The following KIF16B variants were observed in gnomAD, a reference collection of about 807,000 sequenced individuals.
KIF16B encodes kinesin family member 16B.
In KIF16B, 98 loss-of-function variants were observed where a neutral mutation model predicts 156.3. The ratio of observed to expected loss-of-function variants is 0.63; its 90% CI spans 0.53 to 0.74. The LOEUF (loss-of-function observed/expected upper bound fraction) is 0.74, where lower values mean the gene tolerates loss of function less well. Ranked by LOEUF, KIF16B falls within the 30% of genes least tolerant of loss-of-function variation. The pLI, the probability that KIF16B is intolerant of heterozygous loss-of-function variation, is 0.00. For synonymous variants in KIF16B, 564 were observed against 583.7 expected, an observed-to-expected ratio of 0.97 and a Z score of 0.49; for missense variants, 1,421 against 1,606.5, an observed-to-expected ratio of 0.88 and a Z score of 1.97.
At chr20:16,467,892 GAA>G (rs1161347287) in intron 12 of KIF16B, among the ~76,000 whole-genome samples, 2 of 152,054 alleles carry the variant, frequency 1.3e-5, no homozygotes, top group Non-Finnish European at 2.9e-5. Context: ...GGAAAGGAGA[GAA>G]AATGGAATCA....
At chr20:16,428,536 G>A (rs535989273) in intron 14 of KIF16B, among the ~76,000 whole-genome samples, 1 of 152,252 alleles carries the variant, frequency 6.6e-6, no homozygotes, top group South Asian at 2.1e-4. Flanking sequence ...CCTACTTTCT[G>A]TTGTCATCTT....
intron 12 of KIF16B, among the ~76,000 whole-genome samples, chr20:16,471,197 G>C (rs2067653503): frequency 6.6e-6 from 1 of 152,026 alleles, no homozygotes; most frequent in African/African-American, 2.4e-5. Context: ...TTAAAAAATT[G>C]ACCCAACAAA....
rs1268947391 is a variant in KIF16B at position 16,404,799 on chromosome 20, T to C, written c.1784+14A>G. 1 of 1,584,546 alleles carries C rather than the reference T, an allele frequency of 6.3e-7. No individual in the cohort carries two copies. The highest frequency in any genetic ancestry group is 8.7e-7 in the Non-Finnish European group (1 of 1,153,506). On this transcript the variant is annotated intron_variant, in intron 17 of 25. Transcript: ENST00000354981. ...GTGATCATCACAGGGAAGGAGATGC[T>C]GCTGTTCACTCACCCGGGGTTATAC...
chr20:16,549,096 T>G (rs2070532826), intron 1 of KIF16B, among the ~76,000 whole-genome samples: 1 of 151,294 alleles, frequency 6.6e-6, no homozygotes, highest in Non-Finnish European at 1.5e-5. Flanking sequence ...TTGTGCAGGT[T>G]AGTTACATAT....
intron 1 of KIF16B, among the ~76,000 whole-genome samples, chr20:16,545,323 G>A (rs62196286): frequency 0.034 from 5,132 of 151,836 alleles, 127 homozygotes; most frequent in Middle Eastern, 0.078. Flanking sequence ...TTGAGTCCAG[G>A]AGTTTAAGAC....
intron 1 of KIF16B, among the ~76,000 whole-genome samples, chr20:16,568,445 CCTG>C (rs2071339163): frequency 6.6e-6 from 1 of 152,048 alleles, no homozygotes; most frequent in African/African-American, 2.4e-5. Flanking sequence ...TCAGGGAGCC[CCTG>C]CTGAATGCCA....
chr20:16,276,520 C>T (rs976912619), intron 25 of KIF16B, among the ~76,000 whole-genome samples: 14 of 152,206 alleles, frequency 9.2e-5, no homozygotes, highest in East Asian at 1.9e-4. Context: ...AGGCAGCTTT[C>T]GCCTCCTTTA....
chr20:16,492,180 G>A (rs2143988), intron 12 of KIF16B, among the ~76,000 whole-genome samples: 83,686 of 152,064 alleles, frequency 0.55, 25,310 homozygotes, highest in African/African-American at 0.82. Flanking sequence ...ACTGACTGAT[G>A]TAAAACGCTA....
intron 1 of KIF16B, among the ~76,000 whole-genome samples, chr20:16,554,505 A>G (rs955031413): frequency 6.6e-6 from 1 of 152,202 alleles, no homozygotes; most frequent in East Asian, 1.9e-4. Flanking sequence ...CTGTCGCTCA[A>G]TAAAGCTCCT....
At chr20:16,288,887 G>A (rs1050455759) in intron 25 of KIF16B, among the ~76,000 whole-genome samples, 28 of 151,552 alleles carry the variant, frequency 1.8e-4, no homozygotes, top group Non-Finnish European at 3.5e-4. Context: ...AACACAGTAC[G>A]TACTGGCGAT....
chr20:16,539,150 T>C (rs1039270301), intron 1 of KIF16B, among the ~76,000 whole-genome samples: 14 of 152,044 alleles, frequency 9.2e-5, no homozygotes, highest in African/African-American at 3.4e-4. Flanking sequence ...TACCAAGCAG[T>C]AGGGCATTGC....
At chr20:16,563,454 T>C (rs1266841228) in intron 1 of KIF16B, among the ~76,000 whole-genome samples, 1 of 152,230 alleles carries the variant, frequency 6.6e-6, no homozygotes, top group Non-Finnish European at 1.5e-5. Context: ...TAACATATTC[T>C]CTTTCACAAA....
At chr20:16,443,463 T>C (rs559354314) in intron 12 of KIF16B, among the ~76,000 whole-genome samples, 1 of 152,186 alleles carries the variant, frequency 6.6e-6, no homozygotes, top group Non-Finnish European at 1.5e-5. Flanking sequence ...TCCTGTCTCA[T>C]CCCGTCCCTT....
At chr20:16,430,843 G>GTA (rs1402372459) in intron 12 of KIF16B, among the ~76,000 whole-genome samples, 2 of 142,404 alleles carry the variant, frequency 1.4e-5, no homozygotes, top group African/African-American at 5.7e-5. Flanking sequence ...TACTGTGTGT[G>GTA]TGTATGTATA....
At chr20:16,397,426 T>G (rs1393523277) in intron 17 of KIF16B, among the ~76,000 whole-genome samples, 1 of 152,198 alleles carries the variant, frequency 6.6e-6, no homozygotes, top group African/African-American at 2.4e-5. Context: ...ATGTGCCCAG[T>G]TAGGCTGATA....
intron 25 of KIF16B, among the ~76,000 whole-genome samples, chr20:16,305,260 C>T (rs766332906): frequency 6.6e-6 from 1 of 152,010 alleles, no homozygotes; most frequent in Non-Finnish European, 1.5e-5. Flanking sequence ...ACTCTGTGAC[C>T]ATGAAGGATC....
At chr20:16,338,067 C>T (rs2064072726) in intron 23 of KIF16B, among the ~76,000 whole-genome samples, 1 of 152,176 alleles carries the variant, frequency 6.6e-6, no homozygotes. Context: ...TCCTGAAATG[C>T]TTCCACTGCA....
intron 15 of KIF16B, among the ~76,000 whole-genome samples, chr20:16,421,755 A>G (rs1600353248): frequency 6.6e-6 from 1 of 152,148 alleles, no homozygotes; most frequent in East Asian, 1.9e-4. Flanking sequence ...TTCACTGCAC[A>G]GCGTTTTAAC....
rs529366236 is a variant in KIF16B, at chr20:16,363,390, T to C, written c.3499-6938A>G. 6.6e-5 allele frequency among the ~76,000 whole-genome samples: 10 copies of C among 152,336 alleles called. 1 individual carries two copies. The South Asian group carries it at 2.1e-3, about 32-fold the overall frequency. The stretch of plus-strand genomic sequence containing the variant: ...ATACTCTTCCCGGTACCTTAATGTT[T>C]CCATTAGGGAGAAGTCCTACAAGTT... On this transcript the variant is annotated intron_variant, in intron 22 of 25. Coordinates refer to ENST00000354981, the MANE Select transcript of KIF16B (RefSeq NM_024704.5).
Sources: gnomAD v4.1 joint callset for allele counts (sites outside exome capture counted in the v4.1 genomes callset) on GRCh38, gnomAD v4.1.1 for gene constraint, MANE v1.5 for transcripts, NCBI Gene and HGNC (gene_info 2026-07-23, HGNC 2026-07-21) for gene names.